LRRTM4: variants seen among roughly 807,000 people sequenced by gnomAD.
The protein encoded by LRRTM4 is leucine-rich repeat transmembrane neuronal protein 4.
Under a neutral mutation model 47.6 loss-of-function variants are expected in LRRTM4, and 25 were observed. The observed-to-expected ratio is 0.53, with a 90% CI of 0.38 to 0.73. The LOEUF (loss-of-function observed/expected upper bound fraction) is 0.73, where lower values mean the gene tolerates loss of function less well. Among genes scored for constraint, LRRTM4 ranks in the 30% least tolerant of loss-of-function variants. LRRTM4 has a pLI of 0.00. For missense variants in LRRTM4, 638 were observed against 713.4 expected (o/e 0.89, Z 1.20); for synonymous variants, 311 against 269.5 (o/e 1.15, Z -1.51).
intron 3 of LRRTM4, among the ~76,000 whole-genome samples, chr2:76,962,122 T>A (rs1486966483): frequency 6.6e-6 from 1 of 151,184 alleles, no homozygotes; most frequent in Non-Finnish European, 1.5e-5. Context: ...AGGCTTGGAG[T>A]AGTAAACTAT....
At chr2:76,847,374 G>A (rs1671866940) in intron 3 of LRRTM4, among the ~76,000 whole-genome samples, 1 of 152,006 alleles carries the variant, frequency 6.6e-6, no homozygotes. Context: ...AAAGAATTTT[G>A]AAAATTCCAA....
intron 3 of LRRTM4, among the ~76,000 whole-genome samples, chr2:77,078,882 A>G (rs999539118): frequency 6.6e-6 from 1 of 152,172 alleles, no homozygotes; most frequent in African/African-American, 2.4e-5. Context: ...GGGAAGTCCA[A>G]GATCCAGACA....
At chr2:77,122,489 A>G (rs1393700399) in intron 3 of LRRTM4, among the ~76,000 whole-genome samples, 1 of 149,908 alleles carries the variant, frequency 6.7e-6, no homozygotes, top group Non-Finnish European at 1.5e-5. Context: ...TAAATACTAT[A>G]TATACTATAT....
intron 3 of LRRTM4, among the ~76,000 whole-genome samples, chr2:77,362,170 A>AAAGGAAGAAAGGAAGGAAGGAAGGAAGG (rs1672265843): frequency 6.0e-5 from 8 of 133,624 alleles, no homozygotes; most frequent in African/African-American, 2.6e-4. Flanking sequence ...AGAAAGAAAG[A>AAAGGAAGAAAGGAAGGAAGGAAGGAAGG]AAGGAAGGAA....
chr2:76,857,830 C>T (rs1028791190), intron 3 of LRRTM4, among the ~76,000 whole-genome samples: 1 of 152,076 alleles, frequency 6.6e-6, no homozygotes, highest in African/African-American at 2.4e-5. Flanking sequence ...TAGGCATTTA[C>T]TTTAAGCATT....
Position 76,797,253 on chromosome 2 carries a change from A to T in LRRTM4, c.1552-48337T>A, listed in dbSNP as rs922175293. On this transcript the variant is annotated intron_variant, in intron 3 of 3. Coordinates refer to ENST00000409884, the MANE Select transcript of LRRTM4 (RefSeq NM_001134745.3). ...ACCCTCAAAGGGAAGCCCATCAGAC[A>T]AACAGCGGATCTCTCAGCAGAAACC... 8.2e-4 allele frequency among the ~76,000 whole-genome samples: 125 copies of T among 152,162 alleles called. 2 individuals are homozygous for T. Among genetic ancestry groups the T allele is most frequent in the African/African-American group, 2.5e-3 (103 of 41,544 alleles).
intron 3 of LRRTM4, among the ~76,000 whole-genome samples, chr2:76,761,359 C>T (rs1305904839): frequency 5.3e-5 from 8 of 152,184 alleles, no homozygotes; most frequent in Admixed American, 2.6e-4. Flanking sequence ...TATTTATATC[C>T]TTGCTGGTGA....
At chr2:77,166,422 C>CAAT (rs974185616) in intron 3 of LRRTM4, among the ~76,000 whole-genome samples, 16 of 152,098 alleles carry the variant, frequency 1.1e-4, no homozygotes, top group African/African-American at 3.9e-4. Context: ...ATCAAGCTAC[C>CAAT]AATGACTTTC....
intron 3 of LRRTM4, among the ~76,000 whole-genome samples, chr2:76,877,868 A>G (rs143362802): frequency 1.3e-5 from 2 of 152,242 alleles, no homozygotes; most frequent in African/African-American, 4.8e-5. Context: ...CCTAATCTGT[A>G]TAACAGGTAT....
intron 3 of LRRTM4, among the ~76,000 whole-genome samples, chr2:77,464,610 T>G (rs956501651): frequency 2.6e-5 from 4 of 152,070 alleles, no homozygotes; most frequent in Non-Finnish European, 5.9e-5. Flanking sequence ...CAGATTCACT[T>G]GGATGGAACA....
chr2:77,299,778 A>T (rs1020735276), intron 3 of LRRTM4, among the ~76,000 whole-genome samples: 1 of 152,024 alleles, frequency 6.6e-6, no homozygotes, highest in Non-Finnish European at 1.5e-5. Flanking sequence ...CAAAGAAAAC[A>T]TGTTGACAGA....
intron 3 of LRRTM4, among the ~76,000 whole-genome samples, chr2:76,822,548 A>G (rs1244293815): frequency 6.6e-6 from 1 of 151,618 alleles, no homozygotes; most frequent in Non-Finnish European, 1.5e-5. Context: ...TTTCAGAGGC[A>G]AAAAGCTCAT....
intron 3 of LRRTM4, among the ~76,000 whole-genome samples, chr2:77,291,223 T>C (rs1410029875): frequency 6.6e-6 from 1 of 152,072 alleles, no homozygotes; most frequent in African/African-American, 2.4e-5. Flanking sequence ...CTGGTATGCA[T>C]CTTGGGGGTT....
rs115287870 is a variant in LRRTM4, at chr2:76,987,046, C to T, written c.1552-238130G>A. 2.1e-3 allele frequency among the ~76,000 whole-genome samples: 321 copies of T among 151,434 alleles called. 4 individuals carry two copies. The highest frequency in any genetic ancestry group is 7.0e-3 in the African/African-American group (290 of 41,338). The stretch of plus-strand genomic sequence containing the variant: ...ATTCTTTTATTTATTTTTTAGAAAG[C>T]GTGAAAAAAATAAAATCTGGAGTAT... On this transcript the variant is annotated intron_variant, in intron 3 of 3. Coordinates refer to ENST00000409884, the MANE Select transcript of LRRTM4 (RefSeq NM_001134745.3).
chr2:77,073,517 A>G (rs1317466227), intron 3 of LRRTM4, among the ~76,000 whole-genome samples: 1 of 152,120 alleles, frequency 6.6e-6, no homozygotes, highest in African/African-American at 2.4e-5. Flanking sequence ...AAATGTTTTC[A>G]ATGTGATCCA....
chr2:76,951,757 T>G (rs1675503483), intron 3 of LRRTM4, among the ~76,000 whole-genome samples: 1 of 151,824 alleles, frequency 6.6e-6, no homozygotes. Flanking sequence ...CATTAGGTAT[T>G]TGTCCTAATG....
At chr2:77,292,114 T>C (rs200612440) in intron 3 of LRRTM4, among the ~76,000 whole-genome samples, 9 of 151,872 alleles carry the variant, frequency 5.9e-5, no homozygotes, top group Non-Finnish European at 8.8e-5. Context: ...CATCACTGGC[T>C]ATCAGAGAAA....
chr2:77,410,823 C>CA (rs940624583), intron 3 of LRRTM4, among the ~76,000 whole-genome samples: 2 of 152,098 alleles, frequency 1.3e-5, no homozygotes, highest in Non-Finnish European at 2.9e-5. Context: ...CCTGGGTCTG[C>CA]ATATTTCTTT....
At chr2:77,002,978 A>G (rs915437696) in intron 3 of LRRTM4, among the ~76,000 whole-genome samples, 12 of 149,780 alleles carry the variant, frequency 8.0e-5, no homozygotes. Context: ...CAGAGCAAGG[A>G]ACTTATTTGT....
Sources: gnomAD v4.1 joint callset for allele counts (sites outside exome capture counted in the v4.1 genomes callset) on GRCh38, gnomAD v4.1.1 for gene constraint, MANE v1.5 for transcripts, NCBI Gene and HGNC (gene_info 2026-07-23, HGNC 2026-07-21) for gene names.